CUL4B: variants seen among roughly 807,000 people sequenced by gnomAD.
CUL4B encodes the protein cullin-4B.
In CUL4B, 1 loss-of-function variant was observed where a neutral mutation model predicts 69.2. That is an observed-to-expected ratio of 0.01 (90% CI 0.01 to 0.07). CUL4B has a LOEUF of 0.07. CUL4B is among the 10% of genes least tolerant of loss of function. The pLI is 1.00. For synonymous variants in CUL4B, 237 were observed against 223.2 expected, an observed-to-expected ratio of 1.06 and a Z score of -0.55; for missense variants, 328 against 638.8, an observed-to-expected ratio of 0.51 and a Z score of 5.24.
At chrX:120,574,943 G>A (rs867554051) in intron 1 of CUL4B, among the ~76,000 whole-genome samples, 1 of 111,751 alleles carries the variant, frequency 8.9e-6, no homozygotes, top group East Asian at 2.8e-4. Flanking sequence ...GAACTCCTAC[G>A]GGCTTGAATG....
In CUL4B at chrX:120,572,043, G is replaced by A; in HGVS notation, c.68-43C>T. The A allele has an allele frequency of 5.5e-5, 6 of 109,209 alleles. 2 individuals carry two copies. In the Middle Eastern group the frequency reaches 0.028, roughly 513 times the overall value. The allele number at this position is 109,209 out of a possible 1,213,427, so 9.0% of individuals were successfully genotyped here. Reference sequence around the variant, plus strand: ...GAGATGAAGACAGAGAGGTGGGGTGGGTTCAGATCATGGCGAATATTGTAT... The same window carrying A: ...GAGATGAAGACAGAGAGGTGGGGTGAGTTCAGATCATGGCGAATATTGTAT... On this transcript the variant is annotated intron_variant, in intron 2 of 2. Transcript: ENST00000486604.
upstream of CUL4B, chrX:120,561,167 G>GCCC: frequency 1.2e-6 from 1 of 826,835 alleles, no homozygotes; most frequent in Non-Finnish European, 1.7e-6. Flanking sequence ...CGCTGCAGCC[G>GCCC]CCCGGGGGGC....
At chrX:120,527,932 T>C (rs1923078366) in intron 19 of CUL4B, among the ~76,000 whole-genome samples, 1 of 112,412 alleles carries the variant, frequency 8.9e-6, no homozygotes, top group South Asian at 3.6e-4. Context: ...CAGAAGCAGC[T>C]ACCCTTCGCG....
chrX:120,544,183 T>G lies in CUL4B; in HGVS notation c.1104A>C (p.Glu368Asp). ...SDLQIYQDSF[E>D]QRFLEETNRL... ...GGTTAGTTTCTTCCAAAAATCGTTG[T>G]TCAAAAGAATCTTGATAAATCTGGA... is the stretch of plus-strand genomic sequence containing the variant. The change falls in exon 7 of 20, where the codon GAA becomes GAC. Residue 368 changes from glutamate (E) to aspartate (D), a missense_variant. Physicochemically the swap from Glu to Asp is conservative, Grantham distance 45. This residue lies in a region of CUL4B where 126 missense variants were observed against 202.5 expected (regional missense o/e 0.62). Coordinates refer to ENST00000371322, the MANE Select transcript of CUL4B (RefSeq NM_001079872.2). 8.3e-7 allele frequency: 1 copy of G among 1,199,991 alleles called. No homozygotes were observed. The highest frequency in any genetic ancestry group is 1.1e-6 in the Non-Finnish European group (1 of 884,964).
At chrX:120,568,931 C>T (rs1364856479), downstream of CUL4B, among the ~76,000 whole-genome samples, 2 of 111,650 alleles carry the variant, frequency 1.8e-5, no homozygotes, top group African/African-American at 3.3e-5. Flanking sequence ...TAGAAAAAGA[C>T]GTTCAGAGCC....
At chrX:120,537,168 TAAG>T (rs1253895365) in intron 14 of CUL4B, 134 bp from the exon 15 acceptor site, 11 of 504,155 alleles carry the variant, frequency 2.2e-5, no homozygotes, top group Non-Finnish European at 3.4e-5. Context: ...AGGCAACTAT[TAAG>T]AAGACTTTAA....
At position 120,538,602 on chromosome X, in the gene CUL4B, A is replaced by G. The variant is rs1172403711; in HGVS notation, c.1852+58T>C. ...AGAGGAAATCGATTGAAAGGGTAAAAAGCTAACATTCTCCTTCAGGAATCA... is the reference window on the plus strand; with the variant it reads ...AGAGGAAATCGATTGAAAGGGTAAAGAGCTAACATTCTCCTTCAGGAATCA... On this transcript the variant is annotated intron_variant, in intron 13 of 19. Coordinates refer to ENST00000371322, the MANE Select transcript of CUL4B (RefSeq NM_001079872.2). The G allele has an allele frequency of 8.9e-6, 7 of 786,877 alleles. No individual in the cohort carries two copies. The African/African-American group carries it at 1.4e-4, about 16-fold the overall frequency. 64.8% of individuals were successfully genotyped at this position (786,877 alleles called of 1,213,427 possible). A position where few individuals can be genotyped will look rare whatever the true frequency, so the allele number is the denominator to read the frequency against.
chrX:120,540,711 C>G, intron 10 of CUL4B, 149 bp from the exon 11 acceptor site: 2 of 478,988 alleles, frequency 4.2e-6, no homozygotes, highest in Middle Eastern at 6.2e-4. Context: ...CTATGTTGCC[C>G]AGGCTAGTCT....
Position 120,525,291 on chromosome X carries a change from C to A in CUL4B, c.*1470G>T, listed in dbSNP as rs1356812386. ...GGTTGAAGATTAGGACATAGGTAAT[C>A]TTCCTAACGGCTCCAACAGGCAAGG... On this transcript the variant is annotated 3_prime_UTR_variant, in exon 20 of 20. Coordinates refer to ENST00000371322, the MANE Select transcript of CUL4B (RefSeq NM_001079872.2). 9.0e-6 allele frequency: 1 copy of A among 111,592 alleles called. No homozygotes were observed. The highest frequency in any genetic ancestry group is 1.9e-5 in the Non-Finnish European group (1 of 53,103). 9.2% of individuals were successfully genotyped at this position (111,592 alleles called of 1,213,427 possible).
intron 1 of CUL4B, among the ~76,000 whole-genome samples, chrX:120,559,433 T>C (rs866493595): frequency 2.7e-4 from 30 of 112,514 alleles, no homozygotes; most frequent in African/African-American, 8.7e-4. Flanking sequence ...TCCATTTTAG[T>C]GATGGAAAAA....
intron 1 of CUL4B, 151 bp downstream of exon 1, chrX:120,559,932 C>G (rs1036152343): frequency 2.6e-6 from 3 of 1,143,577 alleles, no homozygotes; most frequent in Non-Finnish European, 3.5e-6. Context: ...AATGAACCCT[C>G]CACCAAAAAA....
downstream of CUL4B, among the ~76,000 whole-genome samples, chrX:120,570,176 T>A (rs1925673914): frequency 9.0e-6 from 1 of 111,680 alleles, no homozygotes; most frequent in Admixed American, 9.5e-5. Flanking sequence ...GTTCAGGAAT[T>A]GGATTTACAA....
Position 120,530,275 on chromosome X carries a change from C to T in CUL4B, c.2440-21G>A, listed in dbSNP as rs375531342. On this transcript the variant is annotated intron_variant, in intron 18 of 19. Transcript: ENST00000371322. ...TCAACCTAACAAAAAAGTTTTAAAC[C>T]TAGGAATTATACCAGAAGCAAAACC... The T allele has an allele frequency of 1.1e-5, 13 of 1,199,282 alleles. No homozygotes were observed. In the African/African-American group the frequency reaches 2.1e-4, roughly 19 times the overall value.
intron 19 of CUL4B, among the ~76,000 whole-genome samples, chrX:120,529,169 G>A (rs1037658995): frequency 9.0e-5 from 10 of 111,318 alleles, no homozygotes; most frequent in African/African-American, 3.3e-4. Context: ...TCTGGCTTGA[G>A]GTGAAATGAC....
chrX:120,550,617 C>T (rs1307190742), intron 2 of CUL4B, among the ~76,000 whole-genome samples: 2 of 111,964 alleles, frequency 1.8e-5, no homozygotes, highest in Admixed American at 1.9e-4. Context: ...AGCACAGAGT[C>T]TCACCTGTGT....
chrX:120,564,978 A>G (rs768224213), upstream of CUL4B, among the ~76,000 whole-genome samples: 155 of 112,755 alleles, frequency 1.4e-3, no homozygotes, highest in Non-Finnish European at 2.2e-3. Flanking sequence ...CCTTTAACCA[A>G]GCTGTTTATA....
chrX:120,559,778 C>G, intron 1 of CUL4B: 2 of 1,069,625 alleles, frequency 1.9e-6, no homozygotes, highest in Non-Finnish European at 2.5e-6. Flanking sequence ...AAATTTCTCA[C>G]CTGCAAAATC....
intron 2 of CUL4B, 73 bp downstream of exon 2, chrX:120,557,851 C>G: frequency 1.4e-6 from 1 of 692,068 alleles, no homozygotes; most frequent in Non-Finnish European, 2.2e-6. Flanking sequence ...GAACCTATTT[C>G]AGAAAGCAAA....
chrX:120,561,174 G>C, upstream of CUL4B: 1 of 775,460 alleles, frequency 1.3e-6, no homozygotes, highest in Non-Finnish European at 1.8e-6. Context: ...GCCGCCCGGG[G>C]GGCGGGGGAG....
Sources: allele counts gnomAD v4.1 joint callset (sites outside exome capture counted in the v4.1 genomes callset), GRCh38; gene constraint gnomAD v4.1.1; regional missense constraint gnomAD v4.1.1; transcripts MANE v1.5; gene names NCBI Gene and HGNC (gene_info 2026-07-23, HGNC 2026-07-21).